The following GNAI1 variants were observed in gnomAD, a reference collection of about 807,000 sequenced individuals.
GNAI1 encodes the protein guanine nucleotide-binding protein G(i) subunit alpha-1.
Under a neutral mutation model 38.9 loss-of-function variants are expected in GNAI1, and 11 were observed. The ratio of observed to expected loss-of-function variants is 0.28; its 90% CI spans 0.18 to 0.47. The LOEUF is 0.47. GNAI1 is among the 20% of genes least tolerant of loss of function. The pLI is 0.99. For synonymous variants in GNAI1, 166 were observed against 145.1 expected, an observed-to-expected ratio of 1.14 and a Z score of -1.04; for missense variants, 317 against 436.9, an observed-to-expected ratio of 0.73 and a Z score of 2.45.
At position 80,220,324 on chromosome 7, in the gene GNAI1, T is replaced by C. The variant is rs1207442056; in HGVS notation, c.*2831T>C. On this transcript the variant is annotated 3_prime_UTR_variant, in exon 8 of 8. Transcript: ENST00000649796. ...TCAATGTTATTTTTATTAGCACTTT[T>C]AAAATGGTGTGTAAAATGTATTGGC... 6.6e-6 allele frequency among the ~76,000 whole-genome samples: 1 copy of C among 152,222 alleles called. No individual in the cohort carries two copies.
rs1789152767 is a variant in GNAI1 at position 80,226,084 on chromosome 7, C to G, written c.*8591C>G. 6.6e-6 allele frequency among the ~76,000 whole-genome samples: 1 copy of G among 151,846 alleles called. No individual in the cohort carries two copies. The highest frequency in any genetic ancestry group is 1.5e-5 in the Non-Finnish European group (1 of 67,996). The stretch of plus-strand genomic sequence containing the variant: ...ATGATTAAACCTGATTTAAGTCCCT[C>G]TAACAATTATGAAGAAAAAAAAAGA... On this transcript the variant is annotated 3_prime_UTR_variant, in exon 8 of 8. Transcript: ENST00000649796.
chr7:80,225,471 T>G lies in GNAI1; in HGVS notation c.*7978T>G, dbSNP rs868361686. ...TGTTGTTATTGTGTTGTGTTTTGTT[T>G]TTTTAATATGTTTCAATTCCCCTAG... is the stretch of plus-strand genomic sequence containing the variant. On this transcript the variant is annotated 3_prime_UTR_variant, in exon 8 of 8. Coordinates refer to ENST00000649796, the MANE Select transcript of GNAI1 (RefSeq NM_002069.6). 5.9e-5 allele frequency among the ~76,000 whole-genome samples: 9 copies of G among 152,282 alleles called. No individual in the cohort carries two copies. The Middle Eastern group carries it at 0.017, about 288-fold the overall frequency.
At chr7:80,146,894 CAT>C (rs1371249451) in intron 1 of GNAI1, among the ~76,000 whole-genome samples, 1 of 152,202 alleles carries the variant, frequency 6.6e-6, no homozygotes, top group Non-Finnish European at 1.5e-5. Context: ...TGAACACACA[CAT>C]ATCTATCACA....
rs1789073474 is a variant in GNAI1, at chr7:80,221,493, T to G, written c.*4000T>G. ...AAAACAAAACTCTCATAATTCGTTT[T>G]CATAATGAAAACTAAGTGTCTCACA... On this transcript the variant is annotated 3_prime_UTR_variant, in exon 8 of 8. Transcript: ENST00000649796. Among the ~76,000 whole-genome samples the G allele has an allele frequency of 6.6e-6, 1 of 152,158 alleles. No homozygotes were observed. Among genetic ancestry groups the G allele is most frequent in the African/African-American group, 2.4e-5 (1 of 41,438 alleles).
At chr7:80,152,501 A>C (rs948883845) in intron 1 of GNAI1, among the ~76,000 whole-genome samples, 9 of 152,116 alleles carry the variant, frequency 5.9e-5, no homozygotes, top group African/African-American at 2.2e-4. Flanking sequence ...TTTTTACAAA[A>C]ACGGGTTAAA....
At chr7:80,173,465 A>G (rs1274899101) in intron 1 of GNAI1, among the ~76,000 whole-genome samples, 5 of 152,170 alleles carry the variant, frequency 3.3e-5, no homozygotes, top group African/African-American at 1.2e-4. Flanking sequence ...GAATGTCCCA[A>G]AACTGCAAAA....
chr7:80,170,601 T>C (rs1465832960), intron 1 of GNAI1, among the ~76,000 whole-genome samples: 2 of 152,222 alleles, frequency 1.3e-5, no homozygotes, highest in Admixed American at 1.3e-4. Flanking sequence ...CTTTCAGTTA[T>C]GGTAGAACAC....
At chr7:80,155,202 T>A (rs1255041187) in intron 1 of GNAI1, among the ~76,000 whole-genome samples, 2 of 152,174 alleles carry the variant, frequency 1.3e-5, no homozygotes, top group Admixed American at 6.5e-5. Flanking sequence ...ATACTTTTTA[T>A]AATCTCCTTA....
intron 1 of GNAI1, among the ~76,000 whole-genome samples, chr7:80,152,823 G>A (rs1178523616): frequency 1.3e-5 from 2 of 151,386 alleles, no homozygotes; most frequent in South Asian, 2.1e-4. Context: ...TGCCCGCCTC[G>A]GCCTCCCAAA....
intron 5 of GNAI1, among the ~76,000 whole-genome samples, chr7:80,204,224 T>C (rs1788734860): frequency 6.6e-6 from 1 of 152,116 alleles, no homozygotes; most frequent in African/African-American, 2.4e-5. Context: ...TATGGAAATA[T>C]TAAGAAGAGC....
chr7:80,145,399 C>T (rs1018818649), intron 1 of GNAI1, among the ~76,000 whole-genome samples: 2 of 152,138 alleles, frequency 1.3e-5, no homozygotes, highest in Admixed American at 1.3e-4. Flanking sequence ...TCTTCTCCTT[C>T]TGGAGTTCCT....
At chr7:80,158,408 A>G (rs1054162173) in intron 1 of GNAI1, among the ~76,000 whole-genome samples, 11 of 152,282 alleles carry the variant, frequency 7.2e-5, no homozygotes, top group African/African-American at 2.4e-4. Flanking sequence ...CCCAAATCTC[A>G]TCTCGAATTG....
At chr7:80,198,489 G>C (rs1788621400) in intron 3 of GNAI1, among the ~76,000 whole-genome samples, 1 of 152,040 alleles carries the variant, frequency 6.6e-6, no homozygotes, top group Non-Finnish European at 1.5e-5. Context: ...CAAATTTTAA[G>C]CTAAGTTTAA....
intron 4 of GNAI1, among the ~76,000 whole-genome samples, chr7:80,203,157 A>C (rs1015584966): frequency 1.3e-5 from 2 of 152,208 alleles, no homozygotes; most frequent in Admixed American, 6.5e-5. Flanking sequence ...ACATGTATTG[A>C]TTTAGAGAGC....
chr7:80,187,022 T>A (rs7808119), intron 1 of GNAI1: 1 of 152,044 alleles, frequency 6.6e-6, no homozygotes, highest in Non-Finnish European at 1.5e-5. Context: ...GGAGAATGCC[T>A]TTATTGTTTA....
intron 1 of GNAI1, among the ~76,000 whole-genome samples, chr7:80,173,097 C>A (rs998892593): frequency 1.3e-5 from 2 of 152,090 alleles, no homozygotes; most frequent in Non-Finnish European, 2.9e-5. Flanking sequence ...GGTACTGGTA[C>A]CACTTCTGGA....
chr7:80,155,776 G>T (rs1331456518), intron 1 of GNAI1, among the ~76,000 whole-genome samples: 4 of 152,060 alleles, frequency 2.6e-5, no homozygotes, highest in Admixed American at 2.0e-4. Context: ...TTAGAAAACT[G>T]CTGGGCATGG....
intron 1 of GNAI1, chr7:80,135,880 C>G: frequency 2.0e-6 from 2 of 985,356 alleles, no homozygotes; most frequent in Non-Finnish European, 2.4e-6. Context: ...TGAGAAAAGG[C>G]TGCGCTGGAT....
intron 5 of GNAI1, among the ~76,000 whole-genome samples, chr7:80,204,289 A>G (rs183542803): frequency 5.5e-4 from 83 of 152,176 alleles, no homozygotes; most frequent in African/African-American, 2.0e-3. Flanking sequence ...TACCTTCCCT[A>G]TGAAGGTAGT....
Sources: gnomAD v4.1 joint callset for allele counts (sites outside exome capture counted in the v4.1 genomes callset) on GRCh38, gnomAD v4.1.1 for gene constraint, MANE v1.5 for transcripts, NCBI Gene and HGNC (gene_info 2026-07-23, HGNC 2026-07-21) for gene names.